TAS2R1: variants seen among roughly 807,000 people sequenced by gnomAD.
TAS2R1 encodes taste 2 receptor member 1, also known as taste receptor type 2 member 1.
For missense variants in TAS2R1, 370 were observed against 353.4 expected (o/e 1.05, Z -0.38); for synonymous variants, 141 against 134.2 (o/e 1.05, Z -0.35).
At chr5:9,667,983 C>T (rs141387993) in intron 1 of TAS2R1, among the ~76,000 whole-genome samples, 5 of 151,994 alleles carry the variant, frequency 3.3e-5, no homozygotes, top group South Asian at 4.2e-4. Flanking sequence ...ATTGACATCC[C>T]GGAGAAAGTT....
the TAS2R1 span, among the ~76,000 whole-genome samples, chr5:9,753,518 G>A: frequency 5.1e-4 from 78 of 152,208 alleles, no homozygotes; most frequent in Non-Finnish European, 9.0e-4. Context: ...TCTGATGGTG[G>A]TTTCTTTTGC....
At chr5:9,733,271 C>T in the TAS2R1 span, among the ~76,000 whole-genome samples, 3 of 152,250 alleles carry the variant, frequency 2.0e-5, no homozygotes, top group African/African-American at 4.8e-5. Context: ...GGAACACAGC[C>T]ATGCCAACTC....
At chr5:9,881,049 C>G in the TAS2R1 span, among the ~76,000 whole-genome samples, 1 of 152,112 alleles carries the variant, frequency 6.6e-6, no homozygotes, top group Admixed American at 6.5e-5. Context: ...CCACTGCTGG[C>G]TCTGAGGGAT....
the TAS2R1 span, among the ~76,000 whole-genome samples, chr5:9,724,721 C>T: frequency 6.6e-6 from 1 of 152,162 alleles, no homozygotes; most frequent in Non-Finnish European, 1.5e-5. Context: ...CTTGGGAGAG[C>T]TTTGAGCAAG....
chr5:9,741,575 TG>T, the TAS2R1 span, among the ~76,000 whole-genome samples: 1 of 152,158 alleles, frequency 6.6e-6, no homozygotes, highest in Non-Finnish European at 1.5e-5. Context: ...GAAATAAAAA[TG>T]AGTGGTTTTA....
the TAS2R1 span, among the ~76,000 whole-genome samples, chr5:9,778,036 G>A: frequency 6.6e-6 from 1 of 151,910 alleles, no homozygotes; most frequent in Non-Finnish European, 1.5e-5. Context: ...GCCCGCCACC[G>A]CGCCCGGCTA....
the TAS2R1 span, among the ~76,000 whole-genome samples, chr5:9,746,432 T>G: frequency 6.6e-6 from 1 of 152,182 alleles, no homozygotes; most frequent in Admixed American, 6.5e-5. Flanking sequence ...ACCCAAAGGA[T>G]TATAAATCAT....
At chr5:9,807,453 C>G in the TAS2R1 span, among the ~76,000 whole-genome samples, 1 of 152,056 alleles carries the variant, frequency 6.6e-6, no homozygotes, top group African/African-American at 2.4e-5. Context: ...TTGCACATGC[C>G]TGTTTATAGC....
chr5:9,645,963 G>A (rs553230094), intron 2 of TAS2R1, among the ~76,000 whole-genome samples: 5 of 152,166 alleles, frequency 3.3e-5, no homozygotes, highest in African/African-American at 7.2e-5. Context: ...ACGGTTTTTT[G>A]TCACATTGGG....
chr5:9,836,224 A>C, the TAS2R1 span, among the ~76,000 whole-genome samples: 1 of 152,120 alleles, frequency 6.6e-6, no homozygotes, highest in East Asian at 1.9e-4. Flanking sequence ...TAAGTCCAAT[A>C]AACCTCTTTC....
chr5:9,894,512 T>A, the TAS2R1 span, among the ~76,000 whole-genome samples: 2 of 152,028 alleles, frequency 1.3e-5, no homozygotes, highest in Non-Finnish European at 2.9e-5. Context: ...AGGCCAGCCA[T>A]CTGCAAACCC....
chr5:9,889,138 C>T, the TAS2R1 span, among the ~76,000 whole-genome samples: 3 of 152,232 alleles, frequency 2.0e-5, no homozygotes, highest in East Asian at 5.8e-4. Context: ...ATAAGCAGCA[C>T]CAGGGAGGCA....
At chr5:9,638,210 C>T (rs561742420) in intron 2 of TAS2R1, among the ~76,000 whole-genome samples, 8 of 152,152 alleles carry the variant, frequency 5.3e-5, no homozygotes, top group South Asian at 2.1e-4. Context: ...TGGGTTTAGC[C>T]ACCCAGCAAG....
chr5:9,782,377 G>C, the TAS2R1 span, among the ~76,000 whole-genome samples: 3 of 140,906 alleles, frequency 2.1e-5, no homozygotes, highest in African/African-American at 7.8e-5. Context: ...GTTTACTGAT[G>C]AACTCCACTC....
chr5:9,888,767 G>T, the TAS2R1 span, among the ~76,000 whole-genome samples: 1 of 152,208 alleles, frequency 6.6e-6, no homozygotes, highest in African/African-American at 2.4e-5. Flanking sequence ...GGACAGGGAG[G>T]GGATGACTCA....
chr5:9,678,438 C>T (rs1740921501), intron 1 of TAS2R1, among the ~76,000 whole-genome samples: 1 of 152,066 alleles, frequency 6.6e-6, no homozygotes, highest in South Asian at 2.1e-4. Context: ...TGGGTATATA[C>T]CCAAAGGAAT....
chr5:9,633,294 T>TATATATATATATATATATATATATATA (rs1476544403), upstream of TAS2R1, among the ~76,000 whole-genome samples: 58 of 67,684 alleles, frequency 8.6e-4, no homozygotes, highest in East Asian at 3.9e-3. Flanking sequence ...TGTGTGTATA[T>TATATATATATATATATATATATATATA]TATATATATA....
intron 1 of TAS2R1, among the ~76,000 whole-genome samples, chr5:9,666,295 G>T (rs1740631397): frequency 6.6e-6 from 1 of 152,118 alleles, no homozygotes; most frequent in African/African-American, 2.4e-5. Context: ...CCCTTGATGG[G>T]CCTAGGGCAC....
the TAS2R1 span, among the ~76,000 whole-genome samples, chr5:9,788,732 A>G: frequency 6.6e-6 from 1 of 152,244 alleles, no homozygotes; most frequent in Non-Finnish European, 1.5e-5. Flanking sequence ...GCCGAACAAC[A>G]GTAAACTCAT....
Sources: allele counts gnomAD v4.1 joint callset (sites outside exome capture counted in the v4.1 genomes callset), GRCh38; gene constraint gnomAD v4.1.1; transcripts MANE v1.5; gene names NCBI Gene and HGNC (gene_info 2026-07-23, HGNC 2026-07-21).